TIAM1: variants seen among roughly 807,000 people sequenced by gnomAD.
TIAM1 encodes the protein rho guanine nucleotide exchange factor TIAM1.
In TIAM1, 65 loss-of-function variants were observed where a neutral mutation model predicts 163.5. The observed-to-expected ratio is 0.40, with a 90% CI of 0.33 to 0.49. The LOEUF is 0.49. Among genes scored for constraint, TIAM1 ranks in the 20% least tolerant of loss-of-function variants. TIAM1 has a pLI of 0.77. For synonymous variants in TIAM1, 833 were observed against 810.1 expected (o/e 1.03, Z -0.48); for missense variants, 1,789 against 2,044.7 (o/e 0.87, Z 2.41).
At chr21:31,292,934 C>T (rs778814840) in intron 2 of TIAM1, among the ~76,000 whole-genome samples, 44 of 152,250 alleles carry the variant, frequency 2.9e-4, no homozygotes, top group Non-Finnish European at 4.4e-4. Flanking sequence ...GGTGATCCAC[C>T]TACCTCAGCT....
chr21:31,234,990 C>A (rs1196111238), intron 6 of TIAM1, among the ~76,000 whole-genome samples: 1 of 151,986 alleles, frequency 6.6e-6, no homozygotes, highest in African/African-American at 2.4e-5. Flanking sequence ...AAATATTATG[C>A]AAGTAAAAGG....
At chr21:31,274,423 G>A (rs529479592) in intron 3 of TIAM1, among the ~76,000 whole-genome samples, 2 of 152,252 alleles carry the variant, frequency 1.3e-5, no homozygotes, top group South Asian at 4.2e-4. Context: ...GATTGTTGAG[G>A]GAAAACAGGA....
At chr21:31,544,841 A>G (rs1295564273) in intron 1 of TIAM1, among the ~76,000 whole-genome samples, 2 of 151,942 alleles carry the variant, frequency 1.3e-5, no homozygotes, top group East Asian at 1.9e-4. Flanking sequence ...GTGAAACCCC[A>G]TCTCTACTAA....
At chr21:31,285,669 T>C (rs1228155022) in intron 2 of TIAM1, among the ~76,000 whole-genome samples, 1 of 152,170 alleles carries the variant, frequency 6.6e-6, no homozygotes, top group Non-Finnish European at 1.5e-5. Flanking sequence ...GAGTCCAGCC[T>C]GTCCAACATG....
In TIAM1 at chr21:31,251,958, C is replaced by G. The variant is rs780184080; in HGVS notation, c.1195G>C (p.Glu399Gln). The part of the protein sequence containing the change: ...RELEMSTTNS[E>Q]SLEEAGSAHS... ...GCCGAGCCGGCCTCCTCCAGGCTCT[C>G]GCTGTTGGTGGTGCTCATCTCCAGC... The change falls in exon 5 of 28, where the codon GAG becomes CAG. Residue 399 changes from glutamate (E) to glutamine (Q), a missense_variant. Physicochemically the swap from Glu to Gln is conservative, Grantham distance 29 (BLOSUM62 2). Around this residue, in one of 5 missense-constraint regions of TIAM1, gnomAD observed 555 missense variants for 564.9 expected, o/e 0.98. Transcript: ENST00000541036. 1 of 1,613,974 alleles carries G rather than the reference C, an allele frequency of 6.2e-7. No homozygotes were observed. Among genetic ancestry groups the G allele is most frequent in the Non-Finnish European group, 8.5e-7 (1 of 1,179,924 alleles).
In TIAM1 at chr21:31,120,237, C is replaced by T. The variant is rs936853601; in HGVS notation, c.*131G>A. On this transcript the variant is annotated 3_prime_UTR_variant, in exon 28 of 28. Coordinates refer to ENST00000541036, the MANE Select transcript of TIAM1 (RefSeq NM_001353694.2). This position sits in a 1 kb window ranked among gnomAD's most constrained non-coding sequence, Gnocchi z 4.2. ...GTTGGGTGGCTACATGGCTTCAGAACCAAGTCAGCTGCCAAAACCGTGTGT... is the reference window on the plus strand; with the variant it reads ...GTTGGGTGGCTACATGGCTTCAGAATCAAGTCAGCTGCCAAAACCGTGTGT... 43 of 911,974 alleles carry T rather than the reference C, an allele frequency of 4.7e-5. No homozygotes were observed. Among genetic ancestry groups the T allele is most frequent in the Non-Finnish European group, 6.6e-5 (41 of 618,762 alleles). The allele number at this position is 911,974 out of a possible 1,614,324, so 56.5% of individuals were successfully genotyped here. A position where few individuals can be genotyped will look rare whatever the true frequency, so the allele number is the denominator to read the frequency against.
chr21:31,540,509 C>T (rs539809928), intron 1 of TIAM1, among the ~76,000 whole-genome samples: 83 of 152,216 alleles, frequency 5.5e-4, no homozygotes, highest in African/African-American at 1.8e-3. Flanking sequence ...GAAGCTGAGG[C>T]AGGAGGATCG....
At chr21:31,532,503 T>C (rs2048002242) in intron 1 of TIAM1, among the ~76,000 whole-genome samples, 2 of 152,214 alleles carry the variant, frequency 1.3e-5, no homozygotes, top group South Asian at 4.1e-4. Context: ...AGCAATTAAA[T>C]ACACAGAGCT....
rs978223157 is a variant in TIAM1, at chr21:31,217,675, C to T, written c.2020G>A (p.Gly674Arg). Residue 674 changes from glycine (G) to arginine (R), a missense_variant, in exon 9 of 28, where the codon GGA (glycine) becomes AGA (arginine). Gly to Arg is a moderately radical substitution (Grantham distance 125). Coordinates refer to ENST00000541036, the MANE Select transcript of TIAM1 (RefSeq NM_001353694.2). ...ATGGCCTGAGTACGTCTTCTCACTC[C>T]AGTTTCACCAGTGCGTGCTGCCACC... is the stretch of plus-strand genomic sequence containing the variant. ...ALVAARTGETGVRRRTQAMSR... is the reference protein window; with the variant it reads ...ALVAARTGETRVRRRTQAMSR... 12 of 1,613,680 alleles carry T rather than the reference C, an allele frequency of 7.4e-6. No individual in the cohort carries two copies. The highest frequency in any genetic ancestry group is 9.3e-6 in the Non-Finnish European group (11 of 1,179,844).
chr21:31,220,935 T>A (rs1467137851), intron 8 of TIAM1, among the ~76,000 whole-genome samples: 1 of 152,154 alleles, frequency 6.6e-6, no homozygotes, highest in Non-Finnish European at 1.5e-5. Context: ...TTACTGCAAA[T>A]CACTCAGCAT....
chr21:31,539,379 C>G (rs376631921), intron 1 of TIAM1, among the ~76,000 whole-genome samples: 4 of 150,818 alleles, frequency 2.7e-5, no homozygotes, highest in African/African-American at 9.9e-5. Flanking sequence ...CATTCTCCTG[C>G]CTCAGCCTCC....
chr21:31,154,225 G>T, intron 17 of TIAM1, 22 bp downstream of exon 17: 1 of 1,609,662 alleles, frequency 6.2e-7, no homozygotes. Flanking sequence ...AGGGAGGGCA[G>T]GGGGAGAAAA....
intron 2 of TIAM1, among the ~76,000 whole-genome samples, chr21:31,366,376 T>G (rs544987078): frequency 1.2e-4 from 19 of 152,296 alleles, no homozygotes; most frequent in Non-Finnish European, 2.4e-4. Context: ...GAAAGAAACA[T>G]ATCCATCCGT....
intron 2 of TIAM1, among the ~76,000 whole-genome samples, chr21:31,427,550 A>C (rs1050788853): frequency 1.3e-5 from 2 of 152,148 alleles, no homozygotes; most frequent in Admixed American, 6.6e-5. Flanking sequence ...TTAAAATTAA[A>C]AACATGGAGC....
intron 2 of TIAM1, among the ~76,000 whole-genome samples, chr21:31,386,635 G>A (rs1185058020): frequency 6.6e-6 from 1 of 152,114 alleles, no homozygotes; most frequent in Non-Finnish European, 1.5e-5. Flanking sequence ...GCAAACTGCA[G>A]GGCAAGGGAC....
At chr21:31,519,532 T>C (rs933182735) in intron 1 of TIAM1, among the ~76,000 whole-genome samples, 5 of 135,176 alleles carry the variant, frequency 3.7e-5, no homozygotes, top group Admixed American at 2.2e-4. Flanking sequence ...AAAAAAAAAA[T>C]TAAACAGAAT....
chr21:31,430,302 T>A, intron 2 of TIAM1, among the ~76,000 whole-genome samples: 1 of 142,634 alleles, frequency 7.0e-6, no homozygotes, highest in East Asian at 2.1e-4. Flanking sequence ...CAGTGGGGAA[T>A]CCCCATGATA....
chr21:31,420,200 C>A (rs1040816929), intron 2 of TIAM1, among the ~76,000 whole-genome samples: 3 of 152,296 alleles, frequency 2.0e-5, no homozygotes, highest in African/African-American at 7.2e-5. Flanking sequence ...GGATGAGATG[C>A]AATTTCCTGA....
At chr21:31,230,857 G>A (rs1273235793) in intron 6 of TIAM1, among the ~76,000 whole-genome samples, 1 of 152,012 alleles carries the variant, frequency 6.6e-6, no homozygotes, top group Admixed American at 6.6e-5. Context: ...TTAGTAGAGA[G>A]GGGTTTCACC....
Sources: allele counts gnomAD v4.1 joint callset (sites outside exome capture counted in the v4.1 genomes callset), GRCh38; gene constraint gnomAD v4.1.1; regional missense constraint gnomAD v4.1.1; non-coding constraint Gnocchi (gnomAD v3.1); transcripts MANE v1.5; gene names NCBI Gene and HGNC (gene_info 2026-07-23, HGNC 2026-07-21).